The following PRELID2 variants were observed in gnomAD, a reference collection of about 807,000 sequenced individuals.
PRELID2 encodes the protein PRELI domain containing 2.
PRELID2 carries 25 observed loss-of-function variants against 28.4 expected under a neutral mutation model. That is an observed-to-expected ratio of 0.88 (90% CI 0.64 to 1.23). PRELID2 has a LOEUF of 1.23. Ranked by LOEUF, PRELID2 falls within the 50% of genes most tolerant of loss-of-function variation. PRELID2 has a pLI of 0.00. For missense variants in PRELID2, 201 were observed against 214.4 expected (o/e 0.94, Z 0.39); for synonymous variants, 76 against 71.6 (o/e 1.06, Z -0.31).
intron 5 of PRELID2, chr5:145,794,994 C>T (rs1036826516): frequency 3.3e-5 from 5 of 151,930 alleles, no homozygotes; most frequent in Non-Finnish European, 5.9e-5. Context: ...ATAAGGAACA[C>T]GAATTTTGAA....
chr5:145,761,850 T>G lies in PRELID2; in HGVS notation c.*11-1325A>C, dbSNP rs182425783. On this transcript the variant is annotated intron_variant, in intron 6 of 6. Transcript: ENST00000683046. The stretch of plus-strand genomic sequence containing the variant: ...TTTTAATGTAGCATTTTACAACACA[T>G]GAAAACAGTAGTACCCCCACCTACA... 1.3e-3 allele frequency among the ~76,000 whole-genome samples: 200 copies of G among 152,214 alleles called. 4 individuals are homozygous for G. In the East Asian group the frequency reaches 0.034, roughly 26 times the overall value.
intron 1 of PRELID2, among the ~76,000 whole-genome samples, chr5:145,741,869 A>AT (rs371282648): frequency 0.82 from 100,190 of 121,894 alleles, 41,588 homozygotes; most frequent in East Asian, 0.88. Context: ...ATTTAATTTA[A>AT]TAAATAAATT....
the PRELID2 span, among the ~76,000 whole-genome samples, chr5:145,370,688 T>C: frequency 2.0e-5 from 3 of 152,266 alleles, no homozygotes; most frequent in South Asian, 4.1e-4. Context: ...GGGAATAGCA[T>C]TGAATCTGTA....
intron 1 of PRELID2, among the ~76,000 whole-genome samples, chr5:145,684,338 T>C (rs541873597): frequency 6.6e-6 from 1 of 152,200 alleles, no homozygotes; most frequent in African/African-American, 2.4e-5. Flanking sequence ...ACCTCCTTCA[T>C]GAAATCCTGC....
At chr5:145,423,144 C>G in the PRELID2 span, among the ~76,000 whole-genome samples, 2 of 151,964 alleles carry the variant, frequency 1.3e-5, no homozygotes, top group African/African-American at 2.4e-5. Context: ...GGTAACCCAA[C>G]CTTTCTCTCT....
At chr5:145,320,770 C>T in the PRELID2 span, among the ~76,000 whole-genome samples, 1 of 152,124 alleles carries the variant, frequency 6.6e-6, no homozygotes, top group South Asian at 2.1e-4. Flanking sequence ...TATGTGCTGA[C>T]TTTTTGTTGT....
the PRELID2 span, among the ~76,000 whole-genome samples, chr5:145,291,336 A>AG: frequency 7.3e-6 from 1 of 137,820 alleles, no homozygotes; most frequent in African/African-American, 2.8e-5. Flanking sequence ...ACTCTGTTTC[A>AG]GAAAAAAAAA....
chr5:145,773,003 A>G (rs191196437), intron 5 of PRELID2, among the ~76,000 whole-genome samples: 26 of 152,356 alleles, frequency 1.7e-4, no homozygotes, highest in African/African-American at 5.5e-4. Context: ...TTTTATTTTT[A>G]TAAGTAACCC....
the PRELID2 span, among the ~76,000 whole-genome samples, chr5:145,273,121 A>T: frequency 6.6e-6 from 1 of 152,292 alleles, no homozygotes; most frequent in African/African-American, 2.4e-5. Context: ...GAAAGATTTA[A>T]AGCAGAGTTC....
the PRELID2 span, among the ~76,000 whole-genome samples, chr5:145,329,210 G>A: frequency 3.3e-5 from 5 of 152,104 alleles, no homozygotes; most frequent in East Asian, 1.9e-4. Context: ...CAGGTAGCGC[G>A]ATGCCTCCAG....
the PRELID2 span, among the ~76,000 whole-genome samples, chr5:145,400,567 T>C: frequency 6.6e-6 from 1 of 152,120 alleles, no homozygotes; most frequent in Non-Finnish European, 1.5e-5. Context: ...GAATGACTAA[T>C]TCCGAGGTAG....
At chr5:145,672,501 G>GAAAAA (rs752045360) in intron 1 of PRELID2, among the ~76,000 whole-genome samples, 1 of 99,126 alleles carries the variant, frequency 1.0e-5, no homozygotes. Flanking sequence ...CGGAGCTTGT[G>GAAAAA]AAAAAAAAAA....
intron 1 of PRELID2, among the ~76,000 whole-genome samples, chr5:145,694,647 TTTCATGG>T (rs1166468092): frequency 6.6e-6 from 1 of 152,188 alleles, no homozygotes; most frequent in Non-Finnish European, 1.5e-5. Context: ...TAATAATTTA[TTTCATGG>T]ATTCAACTTT....
At chr5:145,580,342 A>G (rs1395675396) in intron 1 of PRELID2, among the ~76,000 whole-genome samples, 2 of 152,100 alleles carry the variant, frequency 1.3e-5, no homozygotes, top group Non-Finnish European at 2.9e-5. Context: ...GGTTTATTTA[A>G]TAGCAGGAGA....
Position 145,835,168 on chromosome 5 carries a change from G to A in PRELID2, c.75+9C>T, listed in dbSNP as rs1160929533. 3 of 1,543,406 alleles carry A rather than the reference G, an allele frequency of 1.9e-6. No individual in the cohort carries two copies. Among genetic ancestry groups the A allele is most frequent in the Admixed American group, 3.9e-5 (2 of 50,884 alleles). On this transcript the variant is annotated intron_variant, in intron 1 of 6. Transcript: ENST00000683046. Reference sequence around the variant, plus strand: ...GCGCGGGATACGGAAGGTGGAAGCGGGGCGGTACCTTTCGGAGAAAGCTGG... The same window carrying A: ...GCGCGGGATACGGAAGGTGGAAGCGAGGCGGTACCTTTCGGAGAAAGCTGG...
intron 1 of PRELID2, among the ~76,000 whole-genome samples, chr5:145,729,750 G>C (rs528330900): frequency 1.3e-5 from 2 of 152,236 alleles, no homozygotes; most frequent in African/African-American, 4.8e-5. Context: ...CAGGAATGTT[G>C]GGGTGATCAG....
At chr5:145,448,781 G>T in the PRELID2 span, among the ~76,000 whole-genome samples, 1 of 152,048 alleles carries the variant, frequency 6.6e-6, no homozygotes, top group African/African-American at 2.4e-5. Flanking sequence ...TATGGTTGTT[G>T]GGAAGGTTAA....
chr5:145,655,236 A>C (rs1221056515), intron 1 of PRELID2, among the ~76,000 whole-genome samples: 2 of 152,040 alleles, frequency 1.3e-5, no homozygotes, highest in Non-Finnish European at 2.9e-5. Flanking sequence ...ACCACTGCTC[A>C]ATGAAATAAA....
intron 1 of PRELID2, among the ~76,000 whole-genome samples, chr5:145,545,317 C>G (rs1752776876): frequency 1.3e-5 from 2 of 152,014 alleles, no homozygotes; most frequent in Admixed American, 1.3e-4. Flanking sequence ...TTTTCGAACT[C>G]AACTATAGAG....
Sources: allele counts gnomAD v4.1 joint callset (sites outside exome capture counted in the v4.1 genomes callset), GRCh38; gene constraint gnomAD v4.1.1; transcripts MANE v1.5; gene names NCBI Gene and HGNC (gene_info 2026-07-23, HGNC 2026-07-21).